The following MEGF10 variants were observed in gnomAD, a reference collection of about 807,000 sequenced individuals.
The protein encoded by MEGF10 is multiple EGF like domains 10.
MEGF10 carries 86 observed loss-of-function variants against 147.5 expected under a neutral mutation model. The ratio of observed to expected loss-of-function variants is 0.58; its 90% confidence interval spans 0.49 to 0.70. The LOEUF is 0.70. MEGF10 is among the 30% of genes least tolerant of loss of function. MEGF10 has a pLI of 0.00. For missense variants in MEGF10, 1,329 were observed against 1,487.3 expected (o/e 0.89, Z 1.75); for synonymous variants, 478 against 525.5 (o/e 0.91, Z 1.24).
chr5:127,285,837 AT>A (rs1759012111), upstream of MEGF10, among the ~76,000 whole-genome samples: 1 of 152,152 alleles, frequency 6.6e-6, no homozygotes. Context: ...AGTGAAATCA[AT>A]GTATCAGAAG....
At chr5:127,311,069 A>G (rs1161705277) in intron 1 of MEGF10, among the ~76,000 whole-genome samples, 1 of 152,196 alleles carries the variant, frequency 6.6e-6, no homozygotes, top group African/African-American at 2.4e-5. Context: ...ATAAATGTTC[A>G]TTCCCTTTTA....
At chr5:127,287,887 T>C (rs80269460), upstream of MEGF10, among the ~76,000 whole-genome samples, 1,689 of 152,128 alleles carry the variant, frequency 0.011, 16 homozygotes, top group Non-Finnish European at 0.019. Context: ...GGTTTTGGCA[T>C]AGGAATAGAA....
chr5:127,339,742 T>C (rs764483776), intron 3 of MEGF10, among the ~76,000 whole-genome samples: 8 of 152,174 alleles, frequency 5.3e-5, no homozygotes, highest in Non-Finnish European at 1.0e-4. Context: ...CTAACATTTA[T>C]AGTGTATGAG....
the MEGF10 span, among the ~76,000 whole-genome samples, chr5:127,268,015 G>T: frequency 6.6e-6 from 1 of 152,058 alleles, no homozygotes; most frequent in Non-Finnish European, 1.5e-5. Flanking sequence ...TGATGTTAGG[G>T]TGTCAATTTT....
chr5:127,356,767 C>T (rs1239733398), intron 4 of MEGF10, among the ~76,000 whole-genome samples: 1 of 152,184 alleles, frequency 6.6e-6, no homozygotes, highest in African/African-American at 2.4e-5. Flanking sequence ...ATATGGAATA[C>T]TCATCCTGCA....
At chr5:127,231,208 G>C in the MEGF10 span, among the ~76,000 whole-genome samples, 1 of 152,260 alleles carries the variant, frequency 6.6e-6, no homozygotes, top group South Asian at 2.1e-4. Flanking sequence ...AAATGAAATG[G>C]TTTCATTCCT....
At chr5:127,356,832 A>C (rs1762296174) in intron 4 of MEGF10, among the ~76,000 whole-genome samples, 2 of 152,158 alleles carry the variant, frequency 1.3e-5, no homozygotes, top group South Asian at 4.1e-4. Flanking sequence ...GTTGGATCCC[A>C]TTTCTTGAAG....
At chr5:127,385,216 G>C (rs532075334) in intron 5 of MEGF10, among the ~76,000 whole-genome samples, 1 of 152,248 alleles carries the variant, frequency 6.6e-6, no homozygotes, top group African/African-American at 2.4e-5. Context: ...AGTCCATGGA[G>C]AACATTATAG....
At chr5:127,398,646 A>T in intron 6 of MEGF10, 30 bp from the exon 7 acceptor site, 2 of 1,613,794 alleles carry the variant, frequency 1.2e-6, no homozygotes, top group Non-Finnish European at 1.7e-6. Context: ...GGGAAATAAC[A>T]GTGTCCTTTG....
chr5:127,360,606 A>G (rs1647783719), intron 4 of MEGF10, among the ~76,000 whole-genome samples: 1 of 151,972 alleles, frequency 6.6e-6, no homozygotes, highest in South Asian at 2.1e-4. Context: ...CTATGTTAGT[A>G]GTAGGTTTTA....
chr5:127,233,751 G>A, the MEGF10 span, among the ~76,000 whole-genome samples: 4 of 152,118 alleles, frequency 2.6e-5, no homozygotes, highest in Non-Finnish European at 5.9e-5. Context: ...CAGTCTTACC[G>A]GGAGCTCATT....
the MEGF10 span, among the ~76,000 whole-genome samples, chr5:127,267,775 T>C: frequency 9.2e-3 from 1,408 of 152,308 alleles, 15 homozygotes; most frequent in African/African-American, 0.03. Flanking sequence ...GATATCCCCT[T>C]TATCATTTTT....
rs949618135 is a variant in MEGF10, at chr5:127,388,795, T to C, written c.413-7737T>C. Among the ~76,000 whole-genome samples the C allele has an allele frequency of 1.4e-4, 22 of 152,296 alleles. 1 individual carries two copies. Among genetic ancestry groups the C allele is most frequent in the African/African-American group, 5.3e-4 (22 of 41,558 alleles). On this transcript the variant is annotated intron_variant, in intron 5 of 24. Coordinates refer to ENST00000503335, the MANE Select transcript of MEGF10 (RefSeq NM_001256545.2). ...CTCCTGACCTCGTGATCCACCCGCC[T>C]CAGCCTCCCAAAGTGCTGGGATTGC...
At chr5:127,244,179 A>G in the MEGF10 span, among the ~76,000 whole-genome samples, 1 of 141,858 alleles carries the variant, frequency 7.0e-6, no homozygotes, top group Admixed American at 7.1e-5. Context: ...CTGGGCAACA[A>G]GAGAGAAACT....
At chr5:127,360,864 G>A (rs114300755) in intron 4 of MEGF10, among the ~76,000 whole-genome samples, 7,028 of 149,002 alleles carry the variant, frequency 0.047, 538 homozygotes, top group African/African-American at 0.16. Context: ...ATATGTGTGT[G>A]TATATATATA....
intron 7 of MEGF10, among the ~76,000 whole-genome samples, chr5:127,402,215 G>A (rs530656561): frequency 6.6e-6 from 1 of 152,186 alleles, no homozygotes; most frequent in African/African-American, 2.4e-5. Context: ...GAACACTTAT[G>A]AGGATTTATA....
chr5:127,315,739 A>G (rs1760518989), intron 1 of MEGF10, among the ~76,000 whole-genome samples: 1 of 152,190 alleles, frequency 6.6e-6, no homozygotes, highest in South Asian at 2.1e-4. Context: ...GTGTCACTGC[A>G]CTCCAGCCTG....
At chr5:127,247,413 GAAGAAGA>G in the MEGF10 span, among the ~76,000 whole-genome samples, 4 of 73,196 alleles carry the variant, frequency 5.5e-5, 1 homozygote, top group Non-Finnish European at 1.1e-4. Flanking sequence ...AGAAGAAGAA[GAAGAAGA>G]AGAAGAAGAA....
chr5:127,263,242 G>T, the MEGF10 span, among the ~76,000 whole-genome samples: 1 of 151,220 alleles, frequency 6.6e-6, no homozygotes, highest in African/African-American at 2.4e-5. Flanking sequence ...TGGGAAGATG[G>T]GTTCATGAAT....
Sources: gnomAD v4.1 joint callset for allele counts (sites outside exome capture counted in the v4.1 genomes callset) on GRCh38, gnomAD v4.1.1 for gene constraint, MANE v1.5 for transcripts, NCBI Gene and HGNC (gene_info 2026-07-23, HGNC 2026-07-21) for gene names.